The following BLTP3B variants were observed in gnomAD, a reference collection of about 807,000 sequenced individuals.
BLTP3B encodes the protein bridge-like lipid transfer protein family member 3B, also known as UHRF1 (ICBP90) binding protein 1-like.
chr12:100,044,346 C>T, the BLTP3B span, among the ~76,000 whole-genome samples: 1 of 152,176 alleles, frequency 6.6e-6, no homozygotes. Context: ...CCTGTCCTTT[C>T]TTCTGTAGCA....
At chr12:100,054,549 T>A in the BLTP3B span, among the ~76,000 whole-genome samples, 1 of 152,162 alleles carries the variant, frequency 6.6e-6, no homozygotes, top group Non-Finnish European at 1.5e-5. Context: ...TATATTTTGA[T>A]CATAGGACAA....
chr12:100,058,264 T>C, the BLTP3B span: 8 of 1,613,658 alleles, frequency 5.0e-6, no homozygotes, highest in Non-Finnish European at 6.8e-6. Flanking sequence ...CTTGAATCTG[T>C]ATAAAATGAA....
the BLTP3B span, among the ~76,000 whole-genome samples, chr12:100,089,543 G>C: frequency 1.3e-5 from 2 of 152,050 alleles, no homozygotes; most frequent in South Asian, 2.1e-4. Context: ...CTGGGTAACA[G>C]AGCGAGACTC....
At chr12:100,045,593 A>T in the BLTP3B span, among the ~76,000 whole-genome samples, 1 of 152,222 alleles carries the variant, frequency 6.6e-6, no homozygotes, top group Non-Finnish European at 1.5e-5. Context: ...TGGATTAAAG[A>T]CTTAAATGTA....
chr12:100,128,671 T>TG, the BLTP3B span: 1 of 1,288,696 alleles, frequency 7.8e-7, no homozygotes, highest in African/African-American at 1.5e-5. Context: ...GGTACTCATT[T>TG]GGGTGATTAT....
the BLTP3B span, among the ~76,000 whole-genome samples, chr12:100,125,511 A>G: frequency 1.3e-5 from 2 of 152,018 alleles, no homozygotes; most frequent in Admixed American, 1.3e-4. Flanking sequence ...TTAGCCGAGC[A>G]TGGTGGTGTA....
At chr12:100,121,820 A>G in the BLTP3B span, among the ~76,000 whole-genome samples, 2 of 152,198 alleles carry the variant, frequency 1.3e-5, no homozygotes, top group Non-Finnish European at 2.9e-5. Flanking sequence ...CAAGAGCGAA[A>G]GTCCGTCTCA....
At chr12:100,092,052 G>A in the BLTP3B span, among the ~76,000 whole-genome samples, 1,226 of 151,226 alleles carry the variant, frequency 8.1e-3, 18 homozygotes, top group African/African-American at 0.028. Flanking sequence ...CAAAAGATCC[G>A]CCTGCCTCAG....
the BLTP3B span, among the ~76,000 whole-genome samples, chr12:100,133,997 AG>A: frequency 3.9e-5 from 6 of 152,318 alleles, no homozygotes; most frequent in Admixed American, 6.5e-5. Context: ...ACTTTACCAG[AG>A]GGATGTACAT....
the BLTP3B span, among the ~76,000 whole-genome samples, chr12:100,131,896 TCTC>T: frequency 6.6e-6 from 1 of 152,142 alleles, no homozygotes; most frequent in Non-Finnish European, 1.5e-5. Flanking sequence ...CTCAAGCAAT[TCTC>T]CTGCCTCAGC....
the BLTP3B span, among the ~76,000 whole-genome samples, chr12:100,055,686 A>AG: frequency 4.0e-5 from 6 of 151,744 alleles, no homozygotes; most frequent in Non-Finnish European, 7.4e-5. Flanking sequence ...TCAAAAAAAA[A>AG]AAAAAAAAAA....
the BLTP3B span, among the ~76,000 whole-genome samples, chr12:100,068,598 G>C: frequency 6.6e-6 from 1 of 152,108 alleles, no homozygotes; most frequent in Non-Finnish European, 1.5e-5. Flanking sequence ...ATATACATCT[G>C]ACAAAGGACT....
At chr12:100,074,184 A>G in the BLTP3B span, among the ~76,000 whole-genome samples, 1 of 152,046 alleles carries the variant, frequency 6.6e-6, no homozygotes, top group Admixed American at 6.6e-5. Context: ...ATACAAAATC[A>G]ATGTAAACAA....
At chr12:100,110,118 T>C in the BLTP3B span, among the ~76,000 whole-genome samples, 1 of 152,202 alleles carries the variant, frequency 6.6e-6, no homozygotes, top group South Asian at 2.1e-4. Context: ...AAAACTAAAC[T>C]ACTGGCTAAC....
the BLTP3B span, among the ~76,000 whole-genome samples, chr12:100,141,263 C>T: frequency 1.1e-4 from 16 of 151,116 alleles, no homozygotes; most frequent in African/African-American, 3.6e-4. Flanking sequence ...GACCGCGGAT[C>T]ACCTGAGGTT....
the BLTP3B span, among the ~76,000 whole-genome samples, chr12:100,067,442 T>A: frequency 6.6e-6 from 1 of 152,000 alleles, no homozygotes; most frequent in Non-Finnish European, 1.5e-5. Context: ...GATAGACCAC[T>A]GGCAAGATTA....
chr12:100,098,488 G>C, the BLTP3B span: 1 of 1,613,552 alleles, frequency 6.2e-7, no homozygotes, highest in South Asian at 1.1e-5. Flanking sequence ...GATGACTATA[G>C]AATTTACAGA....
chr12:100,088,827 A>T, the BLTP3B span: 1 of 1,063,166 alleles, frequency 9.4e-7, no homozygotes, highest in South Asian at 2.1e-5. Flanking sequence ...CTTACAGGAC[A>T]TCCTACACAA....
At chr12:100,136,828 T>G in the BLTP3B span, among the ~76,000 whole-genome samples, 24 of 152,176 alleles carry the variant, frequency 1.6e-4, no homozygotes, top group Non-Finnish European at 3.1e-4. Flanking sequence ...TTATTTTTTT[T>G]GAGATGGAGT....
Sources: gnomAD v4.1 joint callset for allele counts (sites outside exome capture counted in the v4.1 genomes callset) on GRCh38, gnomAD v4.1.1 for gene constraint, MANE v1.5 for transcripts, NCBI Gene and HGNC (gene_info 2026-07-23, HGNC 2026-07-21) for gene names.